The following ASTN2 variants were observed in gnomAD, a reference collection of about 807,000 sequenced individuals.
The protein encoded by ASTN2 is astrotactin 2, also known as astrotactin-2.
ASTN2 carries 54 observed loss-of-function variants against 139.8 expected under a neutral mutation model. That is an observed-to-expected ratio of 0.39 (90% CI 0.31 to 0.48). The LOEUF (loss-of-function observed/expected upper bound fraction) is 0.48, where lower values mean the gene tolerates loss of function less well. Ranked by LOEUF, ASTN2 falls within the 20% of genes least tolerant of loss-of-function variation. The pLI, the probability that ASTN2 is intolerant of heterozygous loss-of-function variation, is 0.95. For synonymous variants in ASTN2, 756 were observed against 719.5 expected (o/e 1.05, Z -0.81); for missense variants, 1,565 against 1,725.1 (o/e 0.91, Z 1.64).
chr9:116,963,728 CT>C (rs1835930616), intron 10 of ASTN2, among the ~76,000 whole-genome samples: 1 of 152,194 alleles, frequency 6.6e-6, no homozygotes, highest in Admixed American at 6.5e-5. Flanking sequence ...CTTCTCTTCC[CT>C]TGTGCTCAGG....
At chr9:116,820,543 A>T in intron 12 of ASTN2, 74 bp downstream of exon 12, 1 of 1,532,426 alleles carries the variant, frequency 6.5e-7, no homozygotes, top group South Asian at 1.3e-5. Context: ...GCTGAGCTGT[A>T]GTGTCTGATC....
At chr9:116,957,302 G>T (rs960730252) in intron 10 of ASTN2, among the ~76,000 whole-genome samples, 4 of 151,848 alleles carry the variant, frequency 2.6e-5, no homozygotes, top group Non-Finnish European at 5.9e-5. Context: ...TTTTTGAACT[G>T]GGAATAAGGT....
chr9:116,985,648 G>A (rs1472552068), intron 7 of ASTN2, among the ~76,000 whole-genome samples: 2 of 152,232 alleles, frequency 1.3e-5, no homozygotes, highest in African/African-American at 4.8e-5. Flanking sequence ...CAAAATCATG[G>A]CTGATTAAGT....
At chr9:116,834,468 G>T (rs1831923534) in intron 11 of ASTN2, among the ~76,000 whole-genome samples, 1 of 152,160 alleles carries the variant, frequency 6.6e-6, no homozygotes, top group African/African-American at 2.4e-5. Context: ...ACATTTTGCA[G>T]TTCTGTTGTT....
intron 20 of ASTN2, among the ~76,000 whole-genome samples, chr9:116,471,103 G>A (rs1448133392): frequency 2.0e-5 from 3 of 152,090 alleles, no homozygotes; most frequent in African/African-American, 7.2e-5. Context: ...TACTTATCCT[G>A]TAGCTTCTGA....
chr9:117,284,147 C>A (rs1587910472), intron 2 of ASTN2, among the ~76,000 whole-genome samples: 1 of 152,064 alleles, frequency 6.6e-6, no homozygotes. Flanking sequence ...GGGTGGGACC[C>A]AGTCAGAGTG....
intron 22 of ASTN2, among the ~76,000 whole-genome samples, chr9:116,439,676 C>T (rs1847783689): frequency 6.6e-6 from 1 of 152,158 alleles, no homozygotes; most frequent in Admixed American, 6.5e-5. Flanking sequence ...AGTCTCTCTG[C>T]TCCAAATACC....
chr9:116,706,763 T>A (rs1206742403), intron 16 of ASTN2, among the ~76,000 whole-genome samples: 2 of 77,562 alleles, frequency 2.6e-5, no homozygotes, highest in Non-Finnish European at 7.0e-5. Flanking sequence ...GGCTAGAATT[T>A]TTTTTTTTTT....
intron 1 of ASTN2, among the ~76,000 whole-genome samples, chr9:117,408,332 C>G (rs1564189307): frequency 6.6e-6 from 1 of 152,010 alleles, no homozygotes. Flanking sequence ...AGGTTTCTTC[C>G]CTTATCTAGG....
intron 12 of ASTN2, among the ~76,000 whole-genome samples, chr9:116,809,719 T>C (rs1170227618): frequency 6.6e-6 from 1 of 152,212 alleles, no homozygotes; most frequent in East Asian, 1.9e-4. Context: ...TTATTTAATA[T>C]ATACGTTTTG....
At chr9:117,066,265 G>C (rs374162585) in intron 5 of ASTN2, among the ~76,000 whole-genome samples, 2 of 141,582 alleles carry the variant, frequency 1.4e-5, no homozygotes, top group Non-Finnish European at 3.1e-5. Context: ...GAGAATATGC[G>C]GTGTTTGGTT....
intron 10 of ASTN2, among the ~76,000 whole-genome samples, chr9:116,936,374 C>T (rs1480152280): frequency 6.6e-6 from 1 of 151,900 alleles, no homozygotes; most frequent in Non-Finnish European, 1.5e-5. Context: ...CACTACAACC[C>T]CAGGTACTGC....
chr9:116,958,050 G>A (rs1835766785), intron 10 of ASTN2, among the ~76,000 whole-genome samples: 1 of 152,188 alleles, frequency 6.6e-6, no homozygotes, highest in Non-Finnish European at 1.5e-5. Flanking sequence ...TGCATATCAG[G>A]AAGCATGTGA....
chr9:117,042,422 T>TGCATG (rs1442269516), intron 5 of ASTN2, among the ~76,000 whole-genome samples: 6 of 152,216 alleles, frequency 3.9e-5, no homozygotes, highest in Admixed American at 3.9e-4. Context: ...CCTAGGACAA[T>TGCATG]GCATGGCTTA....
At chr9:117,078,571 G>T (rs115086148) in intron 5 of ASTN2, among the ~76,000 whole-genome samples, 1 of 152,140 alleles carries the variant, frequency 6.6e-6, no homozygotes, top group Non-Finnish European at 1.5e-5. Flanking sequence ...GAGAAGAACC[G>T]AGGCCACAGA....
chr9:117,210,218 A>C (rs143038553), intron 3 of ASTN2, among the ~76,000 whole-genome samples: 187 of 152,248 alleles, frequency 1.2e-3, no homozygotes, highest in African/African-American at 4.4e-3. Flanking sequence ...AAAAATAAGC[A>C]AAAAGACTAA....
At chr9:117,032,781 T>C (rs1259456467) in intron 6 of ASTN2, among the ~76,000 whole-genome samples, 4 of 152,156 alleles carry the variant, frequency 2.6e-5, no homozygotes, top group African/African-American at 9.6e-5. Context: ...ATGTGTGGCA[T>C]ATTAGTGAAC....
chr9:117,331,624 A>C (rs1828710469), intron 1 of ASTN2, among the ~76,000 whole-genome samples: 1 of 152,210 alleles, frequency 6.6e-6, no homozygotes, highest in African/African-American at 2.4e-5. Flanking sequence ...GGTGGTGTGC[A>C]CCAAGCACAT....
At chr9:117,294,784 C>A (rs925314244) in intron 1 of ASTN2, among the ~76,000 whole-genome samples, 4 of 152,194 alleles carry the variant, frequency 2.6e-5, no homozygotes, top group Non-Finnish European at 1.5e-5. Flanking sequence ...GCAGGACTTA[C>A]AACTGTTTCT....
Sources: allele counts gnomAD v4.1 joint callset (sites outside exome capture counted in the v4.1 genomes callset), GRCh38; gene constraint gnomAD v4.1.1; transcripts MANE v1.5; gene names NCBI Gene and HGNC (gene_info 2026-07-23, HGNC 2026-07-21).